The following GDI2 variants were observed in gnomAD, a reference collection of about 807,000 sequenced individuals.
The protein encoded by GDI2 is GDP dissociation inhibitor 2, also known as rab GDP dissociation inhibitor beta.
Under a neutral mutation model 54.2 loss-of-function variants are expected in GDI2, and 22 were observed. The observed-to-expected ratio is 0.41, with a 90% CI of 0.29 to 0.58. GDI2 has a LOEUF of 0.58. Among genes scored for constraint, GDI2 ranks in the 20% least tolerant of loss-of-function variants. GDI2 has a pLI of 0.35. For synonymous variants in GDI2, 177 were observed against 182.1 expected (o/e 0.97, Z 0.23); for missense variants, 422 against 546.0 (o/e 0.77, Z 2.26).
Position 5,776,491 on chromosome 10 carries a change from G to C in GDI2, c.720-2550C>G. 1 of 1,176,458 alleles carries C rather than the reference G, an allele frequency of 8.5e-7. No homozygotes were observed. Among genetic ancestry groups the C allele is most frequent in the Non-Finnish European group, 1.3e-6 (1 of 785,122 alleles). The allele number at this position is 1,176,458 out of a possible 1,614,324, so 72.9% of individuals were successfully genotyped here. A position where few individuals can be genotyped will look rare whatever the true frequency, so the allele number is the denominator to read the frequency against. Reference sequence around the variant, plus strand: ...AGTGAGCCAGCAGAGCCATGTATTAGAAGCAAAGGCCCGAAAGATAAAACA... The same window carrying C: ...AGTGAGCCAGCAGAGCCATGTATTACAAGCAAAGGCCCGAAAGATAAAACA... On this transcript the variant is annotated intron_variant, in intron 6 of 10. Transcript: ENST00000380191. The surrounding 1 kb of genome is among the most constrained non-coding windows in gnomAD (Gnocchi z 5.3).
chr10:5,798,588 CAAA>C (rs534853983), intron 2 of GDI2, among the ~76,000 whole-genome samples: 7 of 95,248 alleles, frequency 7.3e-5, no homozygotes, highest in Admixed American at 1.2e-4. Flanking sequence ...GACTCCATCT[CAAA>C]AAAAAAAAAA....
intron 6 of GDI2, among the ~76,000 whole-genome samples, chr10:5,779,577 ACTGAATGAGATTAACAGCCT>A (rs1840705384): frequency 6.6e-6 from 1 of 151,780 alleles, no homozygotes; most frequent in South Asian, 2.1e-4. Flanking sequence ...ATTAAAATTC[ACTGAATGAGATTAACAGCCT>A]ATTGAAAATA....
chr10:5,803,465 C>G (rs748183208), intron 1 of GDI2, among the ~76,000 whole-genome samples: 3 of 152,130 alleles, frequency 2.0e-5, no homozygotes, highest in Non-Finnish European at 4.4e-5. Context: ...AATTGTTATA[C>G]ATGTTAACAT....
chr10:5,796,222 C>G (rs1841144912), intron 3 of GDI2, among the ~76,000 whole-genome samples: 1 of 151,700 alleles, frequency 6.6e-6, no homozygotes, highest in Non-Finnish European at 1.5e-5. Context: ...TGGTGGCACG[C>G]ACCTGTAATC....
chr10:5,773,156 C>T (rs567866587), intron 7 of GDI2, among the ~76,000 whole-genome samples: 25 of 152,046 alleles, frequency 1.6e-4, no homozygotes, highest in Admixed American at 3.3e-4. Context: ...TGAAGATGCC[C>T]CCCACCCCAC....
chr10:5,798,626 T>G (rs1189118636), intron 2 of GDI2, among the ~76,000 whole-genome samples: 5 of 149,444 alleles, frequency 3.3e-5, no homozygotes, highest in African/African-American at 1.2e-4. Context: ...ACTCCCTCAA[T>G]ACATCTGGGG....
At chr10:5,775,562 A>G (rs1840599825) in intron 6 of GDI2, among the ~76,000 whole-genome samples, 1 of 152,206 alleles carries the variant, frequency 6.6e-6, no homozygotes, top group Non-Finnish European at 1.5e-5. Context: ...GTTTCACAAA[A>G]GAGGGAGCCT....
chr10:5,788,766 GT>G lies in GDI2; in HGVS notation c.389-2717del, dbSNP rs145169610. Among the ~76,000 whole-genome samples the G allele has an allele frequency of 4.2e-3, 617 of 147,376 alleles. 3 individuals are homozygous for G. Among genetic ancestry groups the G allele is most frequent in the African/African-American group, 0.013 (512 of 40,322 alleles). On this transcript the variant is annotated intron_variant, in intron 4 of 10. Transcript: ENST00000380191. ...TGAAAAAATTTTTGGAGGTTTGCAT[GT>G]TTTTTTTTTTTTAAAAGGAGTCTCA... is the stretch of plus-strand genomic sequence containing the variant.
intron 1 of GDI2, among the ~76,000 whole-genome samples, chr10:5,801,177 T>G (rs1841262859): frequency 6.6e-6 from 1 of 151,988 alleles, no homozygotes; most frequent in Non-Finnish European, 1.5e-5. Flanking sequence ...GGTCTTGAAC[T>G]CCTGACCTCA....
intron 7 of GDI2, among the ~76,000 whole-genome samples, chr10:5,773,542 A>C (rs1255497440): frequency 6.6e-6 from 1 of 152,208 alleles, no homozygotes; most frequent in African/African-American, 2.4e-5. Flanking sequence ...CTGCAAGTAC[A>C]GTTCAATTTC....
intron 1 of GDI2, among the ~76,000 whole-genome samples, chr10:5,809,619 A>C (rs1010522364): frequency 6.6e-6 from 1 of 152,178 alleles, no homozygotes; most frequent in Admixed American, 6.5e-5. Context: ...ACTAATTCTT[A>C]TTAGTTACTC....
intron 2 of GDI2, among the ~76,000 whole-genome samples, chr10:5,798,479 C>T (rs1173492968): frequency 6.6e-6 from 1 of 151,712 alleles, no homozygotes; most frequent in African/African-American, 2.4e-5. Flanking sequence ...ATTCCAGCTA[C>T]TCGGGAGGCT....
chr10:5,787,677 G>GTGTAGT (rs1276025898), intron 4 of GDI2, among the ~76,000 whole-genome samples: 3 of 152,218 alleles, frequency 2.0e-5, no homozygotes, highest in Non-Finnish European at 4.4e-5. Flanking sequence ...TAAGACACAA[G>GTGTAGT]TGTAGTTGTA....
intron 6 of GDI2, among the ~76,000 whole-genome samples, chr10:5,783,508 CCTT>C (rs1311972259): frequency 6.6e-6 from 1 of 152,028 alleles, no homozygotes; most frequent in Non-Finnish European, 1.5e-5. Context: ...TGCCTGAACA[CCTT>C]GTTTTTTTTC....
Position 5,776,596 on chromosome 10 carries a change from A to G in GDI2, c.720-2655T>C, listed in dbSNP as rs1840626843. 1 of 1,551,124 alleles carries G rather than the reference A, an allele frequency of 6.4e-7. No individual in the cohort carries two copies. The highest frequency in any genetic ancestry group is 1.1e-5 in the South Asian group (1 of 89,558). On this transcript the variant is annotated intron_variant, in intron 6 of 10. Coordinates refer to ENST00000380191, the MANE Select transcript of GDI2 (RefSeq NM_001494.4). The surrounding 1 kb of genome is among the most constrained non-coding windows in gnomAD (Gnocchi z 5.3). ...AAAGATTAAGGAAAGAAAATAAACA[A>G]CTCAAGGCTGAAAAGGGCAGACTTC...
intron 1 of GDI2, 87 bp from the exon 2 acceptor site, chr10:5,800,792 C>A: frequency 2.6e-6 from 2 of 757,596 alleles, no homozygotes; most frequent in Non-Finnish European, 4.8e-6. Flanking sequence ...ATTACACATT[C>A]TCTTAGTAAT....
chr10:5,804,157 G>T (rs558239154), intron 1 of GDI2, among the ~76,000 whole-genome samples: 1 of 151,458 alleles, frequency 6.6e-6, no homozygotes, highest in Non-Finnish European at 1.5e-5. Context: ...GCAGTGGCGC[G>T]ATCTTGGCTC....
chr10:5,810,344 T>C (rs1251561472), intron 1 of GDI2, among the ~76,000 whole-genome samples: 1 of 152,232 alleles, frequency 6.6e-6, no homozygotes, highest in Non-Finnish European at 1.5e-5. Flanking sequence ...GTTACTCTTA[T>C]TGTTTTAATC....
At chr10:5,777,818 A>G (rs947646820) in intron 6 of GDI2, among the ~76,000 whole-genome samples, 3 of 152,234 alleles carry the variant, frequency 2.0e-5, no homozygotes, top group Non-Finnish European at 2.9e-5. Context: ...TCATGCTACT[A>G]TAAGGACACA....
Sources: gnomAD v4.1 joint callset for allele counts (sites outside exome capture counted in the v4.1 genomes callset) on GRCh38, gnomAD v4.1.1 for gene constraint, Gnocchi (gnomAD v3.1) non-coding constraint, MANE v1.5 for transcripts, NCBI Gene and HGNC (gene_info 2026-07-23, HGNC 2026-07-21) for gene names.